The following DENND4C variants were observed in gnomAD, a reference collection of about 807,000 sequenced individuals.
DENND4C encodes DENN domain containing 4C.
DENND4C carries 108 observed loss-of-function variants against 203.0 expected under a neutral mutation model. That is an observed-to-expected ratio of 0.53 (90% CI 0.46 to 0.62). The LOEUF is 0.62. Among genes scored for constraint, DENND4C ranks in the 20% least tolerant of loss-of-function variants. The pLI is 0.00. For synonymous variants in DENND4C, 871 were observed against 792.4 expected (o/e 1.10, Z -1.67); for missense variants, 2,481 against 2,301.2 (o/e 1.08, Z -1.60).
chr9:19,306,778 T>C (rs1334935020), intron 10 of DENND4C, among the ~76,000 whole-genome samples: 1 of 147,546 alleles, frequency 6.8e-6, no homozygotes, highest in East Asian at 1.9e-4. Flanking sequence ...TTTATTTATT[T>C]ATTTATTTAT....
chr9:19,275,672 T>G (rs1337415998), intron 1 of DENND4C, among the ~76,000 whole-genome samples: 1 of 151,862 alleles, frequency 6.6e-6, no homozygotes, highest in African/African-American at 2.4e-5. Flanking sequence ...GGTTTTGCCG[T>G]GGTGGCTAGG....
intron 31 of DENND4C, chr9:19,371,237 A>G (rs961325834): frequency 6.6e-6 from 1 of 152,282 alleles, no homozygotes; most frequent in African/African-American, 2.4e-5. Flanking sequence ...TCACAAACCA[A>G]ATAAAGGTGA....
chr9:19,372,077 G>C lies in DENND4C; in HGVS notation c.5781G>C (p.Leu1927=). 6.2e-7 allele frequency: 1 copy of C among 1,614,032 alleles called. No homozygotes were observed. The highest frequency in any genetic ancestry group is 8.5e-7 in the Non-Finnish European group (1 of 1,179,976). ...DNEYGIAYNS[L]SSEILERLQK... ...AATATGGAATTGCATACAATAGTCT[G>C]TCTTCAGAGATTCTTGAAAGGTTGC... The change falls in exon 33 of 33, where the codon CTG becomes CTC. Residue 1927 remains leucine, a synonymous_variant. Coordinates refer to ENST00000434457, the MANE Select transcript of DENND4C (RefSeq NM_001330640.2).
Position 19,276,467 on chromosome 9 carries a change from T to C in DENND4C, c.293T>C (p.Leu98Pro). ...CYKRGRDKPP[L>P]TDIGVLYEGK... ...AAGAGAGGGAGAGATAAACCACCGC[T>C]TACAGATATTGGGTATGGTGACTTC... The change falls in exon 2 of 33, where the codon CTT (leucine) becomes CCT (proline). Residue 98 changes from leucine to proline, a missense_variant. Physicochemically the swap from Leu to Pro is moderately conservative, Grantham distance 98. Around this residue, in one of 3 missense-constraint regions of DENND4C, gnomAD observed 187 missense variants for 167.4 expected, o/e 1.12. Transcript: ENST00000434457. 2.4e-6 allele frequency: 3 copies of C among 1,232,046 alleles called. No individual in the cohort carries two copies. Among genetic ancestry groups the C allele is most frequent in the Non-Finnish European group, 3.0e-6 (3 of 987,900 alleles). The allele number at this position is 1,232,046 out of a possible 1,614,324, so 76.3% of individuals were successfully genotyped here. A position where few individuals can be genotyped will look rare whatever the true frequency, so the allele number is the denominator to read the frequency against.
intron 2 of DENND4C, among the ~76,000 whole-genome samples, chr9:19,283,628 T>TTTG (rs1483157143): frequency 3.4e-5 from 5 of 148,284 alleles, no homozygotes; most frequent in Non-Finnish European, 7.5e-5. Context: ...TTTTTTTTTT[T>TTTG]GAGACAGAGT....
chr9:19,277,974 C>A (rs1380628445), intron 2 of DENND4C, among the ~76,000 whole-genome samples: 1 of 151,098 alleles, frequency 6.6e-6, no homozygotes, highest in African/African-American at 2.4e-5. Flanking sequence ...TTTGTTGAAT[C>A]TTTCTTTTAA....
intron 9 of DENND4C, among the ~76,000 whole-genome samples, chr9:19,304,548 T>C (rs1324714462): frequency 6.6e-6 from 1 of 150,974 alleles, no homozygotes; most frequent in African/African-American, 2.4e-5. Context: ...CGAATTTTTT[T>C]TTTTTTGAGA....
chr9:19,372,005 A>G lies in DENND4C; in HGVS notation c.5741-32A>G, dbSNP rs750597018. The G allele has an allele frequency of 3.8e-6, 6 of 1,599,696 alleles. No individual in the cohort carries two copies. In the East Asian group the frequency reaches 1.1e-4, roughly 30 times the overall value. ...GAACGGCTGTTGTCTTTCTTAACAAATTACAACTTCATTTTTGAAAATTTC... is the reference window on the plus strand; with the variant it reads ...GAACGGCTGTTGTCTTTCTTAACAAGTTACAACTTCATTTTTGAAAATTTC... On this transcript the variant is annotated intron_variant, in intron 32 of 32. Transcript: ENST00000434457.
chr9:19,321,342 T>G (rs1842838692), intron 12 of DENND4C, among the ~76,000 whole-genome samples: 1 of 152,138 alleles, frequency 6.6e-6, no homozygotes, highest in Non-Finnish European at 1.5e-5. Context: ...TGATTGAATA[T>G]GGAATGTAAG....
At chr9:19,370,120 C>A in intron 31 of DENND4C, 133 bp downstream of exon 31, 2 of 1,086,868 alleles carry the variant, frequency 1.8e-6, no homozygotes, top group Non-Finnish European at 2.7e-6. Context: ...GTTTTAAGTG[C>A]TACACAGATA....
At chr9:19,257,367 AAAAG>A (rs1445642340) in intron 1 of DENND4C, among the ~76,000 whole-genome samples, 2 of 151,520 alleles carry the variant, frequency 1.3e-5, no homozygotes, top group South Asian at 2.1e-4. Flanking sequence ...AAAAAAAAAA[AAAAG>A]AAAACACAAC....
intron 16 of DENND4C, among the ~76,000 whole-genome samples, chr9:19,329,415 T>C (rs1012321680): frequency 5.9e-5 from 9 of 152,390 alleles, no homozygotes; most frequent in Middle Eastern, 3.4e-3. Context: ...CTGAATAATA[T>C]TCCATTGTGT....
chr9:19,283,951 C>T lies in DENND4C; in HGVS notation c.306-2818C>T, dbSNP rs371365407. Among the ~76,000 whole-genome samples, 60 of 152,260 alleles carry T rather than the reference C, an allele frequency of 3.9e-4. 1 individual carries two copies. The South Asian group carries it at 0.011, about 28-fold the overall frequency. Reference sequence around the variant, plus strand: ...CCATACGAAGTTCTTATTTTCTTCCCTTTGTCAGATTCATTGGCTTTCAAC... The same window carrying T: ...CCATACGAAGTTCTTATTTTCTTCCTTTTGTCAGATTCATTGGCTTTCAAC... On this transcript the variant is annotated intron_variant, in intron 2 of 32. Transcript: ENST00000434457.
intron 32 of DENND4C, 101 bp from the exon 33 acceptor site, chr9:19,371,936 T>C: frequency 1.5e-6 from 2 of 1,343,794 alleles, no homozygotes. Flanking sequence ...CTTCTAAATA[T>C]ATAGTTCAAA....
Position 19,288,628 on chromosome 9 carries a change from G to A in DENND4C, c.591G>A (p.Lys197=), listed in dbSNP as rs1307563643. The change falls in exon 4 of 33, where the codon AAG becomes AAA. Residue 197 remains lysine, a synonymous_variant. Coordinates refer to ENST00000434457, the MANE Select transcript of DENND4C (RefSeq NM_001330640.2). The part of the protein sequence containing the change: ...WGSSVFLCYK[K]SVPASNAIAY... ...CCAGCGTGTTTCTGTGTTATAAGAA[G>A]TCTGTACCTGCTTCAAATGCAATAG... 1.6e-6 allele frequency: 2 copies of A among 1,231,732 alleles called. No individual in the cohort carries two copies. The highest frequency in any genetic ancestry group is 3.2e-5 in the East Asian group (1 of 31,616). 76.3% of individuals were successfully genotyped at this position (1,231,732 alleles called of 1,614,324 possible).
At chr9:19,319,202 C>T (rs1336531112) in intron 12 of DENND4C, among the ~76,000 whole-genome samples, 1 of 145,008 alleles carries the variant, frequency 6.9e-6, no homozygotes, top group African/African-American at 2.5e-5. Flanking sequence ...CACGTATATA[C>T]ACATATATGT....
chr9:19,371,913 T>A, intron 32 of DENND4C, 93 bp downstream of exon 32: 1 of 1,327,598 alleles, frequency 7.5e-7, no homozygotes, highest in South Asian at 1.4e-5. Flanking sequence ...ATAAAAGATT[T>A]AAAAGATTTC....
At chr9:19,257,178 TA>T (rs926373144) in intron 1 of DENND4C, among the ~76,000 whole-genome samples, 28 of 148,674 alleles carry the variant, frequency 1.9e-4, no homozygotes, top group Middle Eastern at 3.7e-3. Context: ...AAAACGGCTA[TA>T]AAAAAATATT....
intron 20 of DENND4C, among the ~76,000 whole-genome samples, chr9:19,338,787 G>A (rs1821016181): frequency 6.6e-6 from 1 of 152,170 alleles, no homozygotes; most frequent in African/African-American, 2.4e-5. Context: ...ACTGAAGTTA[G>A]TCATTCTAAG....
Sources: allele counts gnomAD v4.1 joint callset (sites outside exome capture counted in the v4.1 genomes callset), GRCh38; gene constraint gnomAD v4.1.1; regional missense constraint gnomAD v4.1.1; transcripts MANE v1.5; gene names NCBI Gene and HGNC (gene_info 2026-07-23, HGNC 2026-07-21).